The following DNAH7 variants were observed in gnomAD, a reference collection of about 807,000 sequenced individuals.
The protein encoded by DNAH7 is axonemal beta dynein heavy chain 7.
DNAH7 carries 397 observed loss-of-function variants against 444.6 expected under a neutral mutation model. That is an observed-to-expected ratio of 0.89 (90% CI 0.82 to 0.97). The LOEUF (loss-of-function observed/expected upper bound fraction) is 0.97. Among genes scored for constraint, DNAH7 ranks in the 50% least tolerant of loss-of-function variants. DNAH7 has a pLI of 0.00. For synonymous variants in DNAH7, 1,636 were observed against 1,624.4 expected, an observed-to-expected ratio of 1.01 and a Z score of -0.17; for missense variants, 4,902 against 4,800.8, an observed-to-expected ratio of 1.02 and a Z score of -0.62.
In DNAH7 at chr2:195,834,352, C is replaced by A. The variant is rs1698224425; in HGVS notation, c.8954G>T (p.Arg2985Ile). 6.3e-7 allele frequency: 1 copy of A among 1,591,032 alleles called. No homozygotes were observed. The highest frequency in any genetic ancestry group is 1.3e-5 in the African/African-American group (1 of 74,660). ...AGGATCTATCATCAGAGGCCACCTT[C>A]TTGCATTCCTGAAAAGGAGGAGAAA... is the stretch of plus-strand genomic sequence containing the variant. Reference protein sequence around the residue: ...IDNGIIIMNARRWPLMIDPQS... With the variant: ...IDNGIIIMNAIRWPLMIDPQS... The change falls in exon 48 of 65, where the codon AGA becomes ATA. Residue 2985 changes from arginine to isoleucine, a missense_variant. By Grantham distance (97) the Arg-to-Ile change is moderately conservative (BLOSUM62 -3). Transcript: ENST00000312428.
intron 35 of DNAH7, 40 bp from the exon 36 acceptor site, chr2:195,882,032 T>G (rs1015368270): frequency 3.2e-6 from 5 of 1,558,402 alleles, no homozygotes; most frequent in Non-Finnish European, 4.4e-6. Context: ...TGCTATAAAA[T>G]ACTTTAAAAA....
rs776498049 is a variant in DNAH7, at chr2:195,817,809, C to T, written c.9312G>A (p.Met3104Ile). The change falls in exon 50 of 65, where the codon ATG (methionine) becomes ATA (isoleucine). Residue 3104 changes from methionine (M) to isoleucine (I), a missense_variant. Transcript: ENST00000312428. Reference sequence around the variant, plus strand: ...GATCTTGCATTCCCTCAGGGGTTATCATGAAGTTTAATAATGTTACCTATA... The same window carrying T: ...GATCTTGCATTCCCTCAGGGGTTATTATGAAGTTTAATAATGTTACCTATA... ...TSVKVTLLNF[M>I]ITPEGMQDQL... 2.5e-6 allele frequency: 4 copies of T among 1,600,216 alleles called. No homozygotes were observed. In the African/African-American group the frequency reaches 4.0e-5, roughly 16 times the overall value.
Position 196,019,237 on chromosome 2 carries a change from TA to T in DNAH7, c.801del (p.Arg268GlyfsTer4). Reference sequence around the variant, plus strand: ...GGGTTCATTGCATTCAAGTGATCCCTAATATAACTGCTTGCAGCTAAAAAAG... The same window carrying T: ...GGGTTCATTGCATTCAAGTGATCCCTATATAACTGCTTGCAGCTAAAAAAG... Reference protein sequence around the residue: ...RKSFLAASSYIRDHLNAMNPT... With the variant: ...RKSFLAASSYXRDHLNAMNPT... On this transcript the variant is annotated frameshift_variant, in exon 9 of 65. Transcript: ENST00000312428. LOFTEE classifies it high-confidence loss of function. The T allele has an allele frequency of 6.6e-7, 1 of 1,518,648 alleles. No homozygotes were observed. The highest frequency in any genetic ancestry group is 8.9e-7 in the Non-Finnish European group (1 of 1,121,396). 94.1% of individuals were successfully genotyped at this position (1,518,648 alleles called of 1,614,324 possible). A position where few individuals can be genotyped will look rare whatever the true frequency, so the allele number is the denominator to read the frequency against.
chr2:195,868,031 G>C (rs1346887262), intron 40 of DNAH7, among the ~76,000 whole-genome samples: 1 of 149,962 alleles, frequency 6.7e-6, no homozygotes, highest in East Asian at 1.9e-4. Context: ...ATTACTGCCA[G>C]CTATGTATGA....
intron 10 of DNAH7, among the ~76,000 whole-genome samples, chr2:196,005,922 C>T (rs541230562): frequency 6.6e-6 from 1 of 152,082 alleles, no homozygotes; most frequent in Non-Finnish European, 1.5e-5. Context: ...ATAACACACA[C>T]ACACACACAC....
chr2:195,823,382 C>T (rs1350063700), intron 49 of DNAH7, among the ~76,000 whole-genome samples: 2 of 152,150 alleles, frequency 1.3e-5, no homozygotes, highest in Non-Finnish European at 2.9e-5. Context: ...ACTTTGCATA[C>T]ACATTATTTA....
intron 30 of DNAH7, chr2:195,892,448 T>C (rs1702065584): frequency 6.6e-6 from 1 of 151,774 alleles, no homozygotes; most frequent in Non-Finnish European, 1.5e-5. Flanking sequence ...TATGGCATTA[T>C]AAGAGATATT....
At chr2:195,949,508 T>A (rs574907474) in intron 19 of DNAH7, among the ~76,000 whole-genome samples, 1 of 152,168 alleles carries the variant, frequency 6.6e-6, no homozygotes. Context: ...GGTCTCGAAC[T>A]CCTGACCACA....
chr2:195,775,499 G>C (rs898504786), intron 60 of DNAH7, among the ~76,000 whole-genome samples: 3 of 152,064 alleles, frequency 2.0e-5, no homozygotes, highest in African/African-American at 7.2e-5. Context: ...TGCTTCCCAA[G>C]TATCTTTGCA....
chr2:196,051,047 A>G, intron 3 of DNAH7, 140 bp downstream of exon 3: 1 of 710,874 alleles, frequency 1.4e-6, no homozygotes, highest in Admixed American at 2.1e-5. Context: ...TATTTGTCCT[A>G]ATATGCACAC....
chr2:195,773,574 A>G (rs1397047205), intron 60 of DNAH7, among the ~76,000 whole-genome samples: 1 of 152,196 alleles, frequency 6.6e-6, no homozygotes, highest in African/African-American at 2.4e-5. Context: ...ACTGATACTG[A>G]TAATTAAGAG....
At chr2:195,853,006 G>A (rs1341919857) in intron 46 of DNAH7, among the ~76,000 whole-genome samples, 2 of 151,584 alleles carry the variant, frequency 1.3e-5, no homozygotes, top group Non-Finnish European at 2.9e-5. Flanking sequence ...TATCAGTAGA[G>A]GCTACCATTT....
intron 21 of DNAH7, among the ~76,000 whole-genome samples, chr2:195,931,647 C>A (rs1574806834): frequency 6.6e-6 from 1 of 151,998 alleles, no homozygotes. Flanking sequence ...ATATGGCTAG[C>A]CAGTTTTCCC....
At position 195,796,683 on chromosome 2, in the gene DNAH7, T is replaced by A. The variant is rs777297742; in HGVS notation, c.10408A>T (p.Ile3470Phe). The change falls in exon 56 of 65, where the codon ATT (isoleucine) becomes TTT (phenylalanine). Residue 3470 changes from isoleucine (I) to phenylalanine (F), a missense_variant. Physicochemically the swap from Ile to Phe is conservative, Grantham distance 21. Transcript: ENST00000312428. ...GCTTTTTCTAACATCTTCATAGCAA[T>A]GGGCCCTTGGCCTTGACCAAGAGAT... ...SLSLGQGQGPIAMKMLEKAVK... is the reference protein window; with the variant it reads ...SLSLGQGQGPFAMKMLEKAVK... 1 of 1,614,186 alleles carries A rather than the reference T, an allele frequency of 6.2e-7. No individual in the cohort carries two copies. Among genetic ancestry groups the A allele is most frequent in the Non-Finnish European group, 8.5e-7 (1 of 1,180,018 alleles).
At chr2:195,757,115 ACTG>A (rs1292913326) in intron 61 of DNAH7, among the ~76,000 whole-genome samples, 2 of 152,184 alleles carry the variant, frequency 1.3e-5, no homozygotes, top group Non-Finnish European at 2.9e-5. Flanking sequence ...GGCATGAGCC[ACTG>A]CACCTGCACC....
At chr2:195,952,196 G>A (rs1047882815) in intron 19 of DNAH7, among the ~76,000 whole-genome samples, 1 of 152,164 alleles carries the variant, frequency 6.6e-6, no homozygotes, top group Non-Finnish European at 1.5e-5. Flanking sequence ...ATGAAGCTTA[G>A]TTTGGCTGGA....
Position 195,875,732 on chromosome 2 carries a change from C to CT in DNAH7, c.6228dup (p.Asp2077ArgfsTer6). The CT allele has an allele frequency of 6.2e-7, 1 of 1,612,630 alleles. No individual in the cohort carries two copies. The highest frequency in any genetic ancestry group is 8.5e-7 in the Non-Finnish European group (1 of 1,179,468). ...TCCACTAGTTTAATCATGGAACAAT[C>CT]TTTTAGATCATACCAGTTCCAGTGG... is the stretch of plus-strand genomic sequence containing the variant. On this transcript the variant is annotated frameshift_variant, in exon 38 of 65. Coordinates refer to ENST00000312428, the MANE Select transcript of DNAH7 (RefSeq NM_018897.3). LOFTEE classifies it high-confidence loss of function.
chr2:196,008,441 G>C (rs186885280), intron 10 of DNAH7, among the ~76,000 whole-genome samples: 1 of 152,196 alleles, frequency 6.6e-6, no homozygotes, highest in East Asian at 1.9e-4. Context: ...ACAGTCAAGA[G>C]AACTTAAAAA....
chr2:195,900,341 G>C lies in DNAH7; in HGVS notation c.4489C>G (p.His1497Asp), dbSNP rs570615210. 256 of 1,613,886 alleles carry C rather than the reference G, an allele frequency of 1.6e-4. No homozygotes were observed. Among genetic ancestry groups the C allele is most frequent in the Non-Finnish European group, 2.1e-4 (250 of 1,179,948 alleles). The change falls in exon 28 of 65, where the codon CAC (histidine) becomes GAC (aspartate). Residue 1497 changes from histidine to aspartate, a missense_variant. Coordinates refer to ENST00000312428, the MANE Select transcript of DNAH7 (RefSeq NM_018897.3). Reference protein sequence around the residue: ...LCSEQLSSQHHYDYGMRAVKS... With the variant: ...LCSEQLSSQHDYDYGMRAVKS... ...ACGGCTCTCATTCCATAGTCGTAGT[G>C]ATGTTGAGATGACAGCTGCTCTGAA...
Sources: gnomAD v4.1 joint callset for allele counts (sites outside exome capture counted in the v4.1 genomes callset) on GRCh38, gnomAD v4.1.1 for gene constraint, MANE v1.5 for transcripts, NCBI Gene and HGNC (gene_info 2026-07-23, HGNC 2026-07-21) for gene names.